The following RBM47 variants were observed in gnomAD, a reference collection of about 807,000 sequenced individuals.
RBM47 encodes the protein RNA binding motif protein 47.
Under a neutral mutation model 47.1 loss-of-function variants are expected in RBM47, and 21 were observed. The ratio of observed to expected loss-of-function variants is 0.45; its 90% CI spans 0.32 to 0.64. RBM47 has a LOEUF of 0.64. Among genes scored for constraint, RBM47 ranks in the 30% least tolerant of loss-of-function variants. RBM47 has a pLI of 0.05. For synonymous variants in RBM47, 375 were observed against 361.7 expected (o/e 1.04, Z -0.42); for missense variants, 708 against 870.9 (o/e 0.81, Z 2.35).
At chr4:40,610,956 T>A (rs757270871) in intron 1 of RBM47, among the ~76,000 whole-genome samples, 1 of 152,156 alleles carries the variant, frequency 6.6e-6, no homozygotes, top group Non-Finnish European at 1.5e-5. Flanking sequence ...TAAGTCCAAT[T>A]AAACCTTTTT....
intron 3 of RBM47, among the ~76,000 whole-genome samples, chr4:40,441,830 C>A (rs1713698674): frequency 6.6e-6 from 1 of 152,196 alleles, no homozygotes. Context: ...GTCAGTAACA[C>A]AATTATCTCT....
At chr4:40,434,609 C>G (rs1455345958) in intron 5 of RBM47, among the ~76,000 whole-genome samples, 1 of 90,928 alleles carries the variant, frequency 1.1e-5, no homozygotes, top group Non-Finnish European at 3.0e-5. Context: ...GCTGTGGGAT[C>G]AGTTTTACTT....
intron 3 of RBM47, among the ~76,000 whole-genome samples, chr4:40,442,349 T>C (rs1364770635): frequency 6.6e-6 from 1 of 152,134 alleles, no homozygotes; most frequent in Admixed American, 6.5e-5. Flanking sequence ...ATAGTTATTA[T>C]AAAAACAACA....
intron 3 of RBM47, among the ~76,000 whole-genome samples, chr4:40,460,491 C>T (rs567955686): frequency 4.1e-4 from 63 of 152,326 alleles, no homozygotes; most frequent in African/African-American, 1.4e-3. Context: ...GACTTACTCT[C>T]CCAAGCTTCA....
rs1334374115 is a variant in RBM47, at chr4:40,532,057, C to T, written c.-155+12365G>A. On this transcript the variant is annotated intron_variant, in intron 2 of 6. Coordinates refer to ENST00000295971, the MANE Select transcript of RBM47 (RefSeq NM_001098634.2). ...ATGGAGTCTTGCTCTGTCACCCAGG[C>T]TGGAGTGCAGTGGCGCAGTCTCAGT... 3.2e-4 allele frequency among the ~76,000 whole-genome samples: 46 copies of T among 145,280 alleles called. 1 individual carries two copies. The highest frequency in any genetic ancestry group is 2.8e-3 in the Admixed American group (40 of 14,184).
chr4:40,613,140 C>T (rs1449168720), intron 1 of RBM47, among the ~76,000 whole-genome samples: 2 of 152,152 alleles, frequency 1.3e-5, no homozygotes, highest in Admixed American at 6.6e-5. Flanking sequence ...AAGTGTCTCG[C>T]CATGAAGCTG....
At chr4:40,452,405 C>T (rs754653388) in intron 3 of RBM47, among the ~76,000 whole-genome samples, 4 of 152,110 alleles carry the variant, frequency 2.6e-5, no homozygotes, top group Non-Finnish European at 4.4e-5. Flanking sequence ...CTAGGAAGTT[C>T]AGGCTGAGTC....
chr4:40,622,364 TC>T (rs1428055055), intron 1 of RBM47, among the ~76,000 whole-genome samples: 2 of 152,138 alleles, frequency 1.3e-5, no homozygotes, highest in African/African-American at 2.4e-5. Flanking sequence ...GGTTCAGGCA[TC>T]GGGGCAGCCA....
chr4:40,626,783 G>A (rs1014958960), intron 1 of RBM47, among the ~76,000 whole-genome samples: 4 of 152,096 alleles, frequency 2.6e-5, no homozygotes, highest in Admixed American at 1.3e-4. Flanking sequence ...CAGCTCAGAC[G>A]ACCTCAGGAG....
chr4:40,477,999 G>A (rs1246696776), intron 2 of RBM47, among the ~76,000 whole-genome samples: 1 of 145,472 alleles, frequency 6.9e-6, no homozygotes, highest in Admixed American at 6.9e-5. Flanking sequence ...CATGAGCCAT[G>A]TGGCATGTTC....
At chr4:40,611,771 T>C (rs951263395) in intron 1 of RBM47, among the ~76,000 whole-genome samples, 3 of 151,782 alleles carry the variant, frequency 2.0e-5, no homozygotes, top group Non-Finnish European at 4.4e-5. Flanking sequence ...ACCACCCACA[T>C]AGAATCATCA....
At position 40,434,781 on chromosome 4, in the gene RBM47, C is replaced by A. The variant is rs190631945; in HGVS notation, c.1330+1660G>T. 3.6e-3 allele frequency among the ~76,000 whole-genome samples: 537 copies of A among 150,668 alleles called. 2 individuals carry two copies. Among genetic ancestry groups the A allele is most frequent in the African/African-American group, 0.013 (514 of 40,930 alleles). On this transcript the variant is annotated intron_variant, in intron 5 of 6. Transcript: ENST00000295971. ...TCAATTGGGGAAATGCTTTTTAACT[C>A]TATGAGGCCAATGTGTACCTATGTC...
At chr4:40,624,222 A>G (rs191961646) in intron 1 of RBM47, among the ~76,000 whole-genome samples, 2 of 152,184 alleles carry the variant, frequency 1.3e-5, no homozygotes, top group East Asian at 3.8e-4. Flanking sequence ...ACTGAGTCAC[A>G]GAGTTTTCTT....
intron 2 of RBM47, among the ~76,000 whole-genome samples, chr4:40,525,741 A>C (rs1726641584): frequency 6.6e-6 from 1 of 152,238 alleles, no homozygotes; most frequent in Non-Finnish European, 1.5e-5. Context: ...GTAAAAACCT[A>C]GGGAATAGGC....
intron 3 of RBM47, among the ~76,000 whole-genome samples, chr4:40,463,261 G>A (rs1018305114): frequency 2.0e-5 from 3 of 152,136 alleles, no homozygotes; most frequent in African/African-American, 4.8e-5. Context: ...GCCCCTTAAG[G>A]ACATGAGAAG....
At chr4:40,532,230 T>G (rs1242807035) in intron 2 of RBM47, among the ~76,000 whole-genome samples, 1 of 151,356 alleles carries the variant, frequency 6.6e-6, no homozygotes, top group Non-Finnish European at 1.5e-5. Context: ...CAGGATGGTC[T>G]CGATCTCCTG....
At chr4:40,610,583 C>A (rs34871684) in intron 1 of RBM47, among the ~76,000 whole-genome samples, 6,624 of 139,372 alleles carry the variant, frequency 0.048, 509 homozygotes, top group African/African-American at 0.16. Flanking sequence ...GCACTCCAGC[C>A]TGGGGCGACA....
At chr4:40,559,116 T>C (rs1730373581) in intron 1 of RBM47, among the ~76,000 whole-genome samples, 1 of 152,312 alleles carries the variant, frequency 6.6e-6, no homozygotes, top group African/African-American at 2.4e-5. Context: ...TATTACAAGG[T>C]ATATTACCAT....
intron 2 of RBM47, among the ~76,000 whole-genome samples, chr4:40,540,538 C>G (rs1264341399): frequency 6.6e-6 from 1 of 151,290 alleles, no homozygotes; most frequent in Non-Finnish European, 1.5e-5. Context: ...ACTCAAGAGG[C>G]TGAGGCAGGA....
Sources: gnomAD v4.1 joint callset for allele counts (sites outside exome capture counted in the v4.1 genomes callset) on GRCh38, gnomAD v4.1.1 for gene constraint, MANE v1.5 for transcripts, NCBI Gene and HGNC (gene_info 2026-07-23, HGNC 2026-07-21) for gene names.